The following SPAG1 variants were observed in gnomAD, a reference collection of about 807,000 sequenced individuals.
SPAG1 encodes the protein sperm-associated antigen 1.
In SPAG1, 69 loss-of-function variants were observed where a neutral mutation model predicts 100.5. The ratio of observed to expected loss-of-function variants is 0.69; its 90% CI spans 0.57 to 0.84. SPAG1 has a LOEUF of 0.84. SPAG1 is among the 40% of genes least tolerant of loss of function. The probability of loss-of-function intolerance (pLI) is 0.00; values close to 1 mark genes in which losing one functional copy is unlikely to be tolerated. For synonymous variants in SPAG1, 336 were observed against 411.6 expected, an observed-to-expected ratio of 0.82 and a Z score of 2.22; for missense variants, 955 against 1,133.1, an observed-to-expected ratio of 0.84 and a Z score of 2.26.
At chr8:100,199,158 A>G (rs762062973) in intron 10 of SPAG1, among the ~76,000 whole-genome samples, 61 of 152,246 alleles carry the variant, frequency 4.0e-4, no homozygotes, top group Non-Finnish European at 6.3e-4. Context: ...GCTGGATGAT[A>G]TACTAACTCT....
intron 12 of SPAG1, among the ~76,000 whole-genome samples, chr8:100,219,750 A>G (rs1471737336): frequency 6.6e-6 from 1 of 152,246 alleles, no homozygotes; most frequent in East Asian, 1.9e-4. Flanking sequence ...ATGAAAATTC[A>G]TAACTTAGAA....
chr8:100,216,971 C>G (rs574214641), intron 12 of SPAG1, among the ~76,000 whole-genome samples: 1 of 115,496 alleles, frequency 8.7e-6, no homozygotes, highest in Admixed American at 1.2e-4. Flanking sequence ...GAGTCTTGCT[C>G]TGTCCCCGAG....
At position 100,240,707 on chromosome 8, in the gene SPAG1, T is replaced by G; in HGVS notation, c.2585T>G (p.Ile862Ser). The G allele has an allele frequency of 6.2e-7, 1 of 1,613,668 alleles. No homozygotes were observed. Among genetic ancestry groups the G allele is most frequent in the Non-Finnish European group, 8.5e-7 (1 of 1,179,870 alleles). The change falls in exon 18 of 19, where the codon ATT becomes AGT. Residue 862 changes from isoleucine to serine, a missense_variant. Physicochemically the swap from Ile to Ser is moderately radical, Grantham distance 142. Transcript: ENST00000388798. ...ATTCAGTCTCTGAAAAATAATCTTA[T>G]TGAAAAAGATCCCTCATTGGTGTAT... Reference protein sequence around the residue: ...LLIQSLKNNLIEKDPSLVYQH... With the variant: ...LLIQSLKNNLSEKDPSLVYQH...
At chr8:100,188,692 A>G (rs1390999242) in intron 8 of SPAG1, among the ~76,000 whole-genome samples, 1 of 152,188 alleles carries the variant, frequency 6.6e-6, no homozygotes, top group Non-Finnish European at 1.5e-5. Context: ...ATTATAATAG[A>G]CACATTATAT....
intron 10 of SPAG1, among the ~76,000 whole-genome samples, chr8:100,204,720 C>A (rs911290065): frequency 1.3e-5 from 2 of 152,136 alleles, no homozygotes; most frequent in Non-Finnish European, 2.9e-5. Context: ...AGAAGATATA[C>A]CCTTGATGAA....
intron 2 of SPAG1, among the ~76,000 whole-genome samples, chr8:100,164,558 G>A (rs868029383): frequency 6.6e-5 from 10 of 152,194 alleles, no homozygotes; most frequent in Middle Eastern, 3.4e-3. Context: ...CTGCATAGCT[G>A]GGATTACAGG....
Position 100,210,546 on chromosome 8 carries a change from G to A in SPAG1, c.1097-2544G>A, listed in dbSNP as rs1335864603. Among the ~76,000 whole-genome samples the A allele has an allele frequency of 2.0e-5, 3 of 152,166 alleles. No homozygotes were observed. In the East Asian group the frequency reaches 5.8e-4, roughly 29 times the overall value. On this transcript the variant is annotated intron_variant, in intron 10 of 18. Transcript: ENST00000388798. ...AACTACTCTTGGTGTTTCTGAGGCA[G>A]TATGCGCTCCTGTTTTTTTCTCTCA...
At chr8:100,233,368 A>G (rs759403889) in intron 15 of SPAG1, 43 bp from the exon 16 acceptor site, 56 of 1,608,186 alleles carry the variant, frequency 3.5e-5, no homozygotes, top group Admixed American at 1.5e-4. Context: ...CAGATAGCCA[A>G]TCTTTACCTT....
intron 3 of SPAG1, among the ~76,000 whole-genome samples, chr8:100,175,663 A>T (rs1400806817): frequency 6.6e-6 from 1 of 152,152 alleles, no homozygotes; most frequent in African/African-American, 2.4e-5. Context: ...TTTAGGGGTA[A>T]GTAGACCACT....
intron 16 of SPAG1, among the ~76,000 whole-genome samples, chr8:100,234,363 A>AC (rs892049082): frequency 1.3e-5 from 2 of 151,776 alleles, no homozygotes; most frequent in African/African-American, 4.8e-5. Flanking sequence ...GTGTGCTAAA[A>AC]AAAAATAACA....
intron 1 of SPAG1, among the ~76,000 whole-genome samples, chr8:100,161,391 T>C (rs1815298526): frequency 6.6e-6 from 1 of 152,070 alleles, no homozygotes; most frequent in Non-Finnish European, 1.5e-5. Flanking sequence ...GAAGTACCTA[T>C]GTGGCAGGCC....
intron 8 of SPAG1, among the ~76,000 whole-genome samples, chr8:100,189,504 A>G (rs1816727629): frequency 6.6e-6 from 1 of 151,686 alleles, no homozygotes; most frequent in Non-Finnish European, 1.5e-5. Flanking sequence ...ATTTTAAAAA[A>G]AATTACTAGA....
intron 3 of SPAG1, among the ~76,000 whole-genome samples, chr8:100,168,983 G>A (rs1465791961): frequency 1.3e-5 from 2 of 151,630 alleles, no homozygotes; most frequent in Admixed American, 6.6e-5. Flanking sequence ...CACCACGCCC[G>A]GCCTCTTTTC....
At position 100,165,812 on chromosome 8, in the gene SPAG1, A is replaced by C; in HGVS notation, c.141-2A>C. The C allele has an allele frequency of 6.2e-7, 1 of 1,604,412 alleles. No homozygotes were observed. The highest frequency in any genetic ancestry group is 8.5e-7 in the Non-Finnish European group (1 of 1,176,898). On this transcript the variant is annotated splice_acceptor_variant, in intron 2 of 18. Transcript: ENST00000388798. LOFTEE classifies it high-confidence loss of function. The stretch of plus-strand genomic sequence containing the variant: ...TCTAAAACTTATTTATTTCTTTTTA[A>C]GATCTGGTGAGGAAGGATATTATCC...
At chr8:100,193,993 A>G in intron 9 of SPAG1, 119 bp from the exon 10 acceptor site, 1 of 909,062 alleles carries the variant, frequency 1.1e-6, no homozygotes, top group East Asian at 3.1e-5. Context: ...AGGCCACCAA[A>G]AAAAAGCCTT....
chr8:100,191,370 T>A lies in SPAG1; in HGVS notation c.833-20T>A. On this transcript the variant is annotated intron_variant, in intron 8 of 18. Coordinates refer to ENST00000388798, the MANE Select transcript of SPAG1 (RefSeq NM_003114.5). ...TGCCACATATTAAAAAACATAACTTTTATATTGGTAAATTTTCAGCTCTTC... is the reference window on the plus strand; with the variant it reads ...TGCCACATATTAAAAAACATAACTTATATATTGGTAAATTTTCAGCTCTTC... The A allele has an allele frequency of 6.4e-7, 1 of 1,561,514 alleles. No individual in the cohort carries two copies. The highest frequency in any genetic ancestry group is 8.8e-7 in the Non-Finnish European group (1 of 1,136,862).
chr8:100,212,112 C>T (rs1349855300), intron 10 of SPAG1, among the ~76,000 whole-genome samples: 1 of 152,182 alleles, frequency 6.6e-6, no homozygotes, highest in East Asian at 1.9e-4. Context: ...GGATGTTATT[C>T]TGCTGTATAG....
chr8:100,172,670 GTGTGTGTGTA>G (rs1815924747), intron 3 of SPAG1, among the ~76,000 whole-genome samples: 1 of 149,084 alleles, frequency 6.7e-6, no homozygotes, highest in African/African-American at 2.6e-5. Context: ...GTGTGTGTAT[GTGTGTGTGTA>G]TGTATGTGTA....
In SPAG1 at chr8:100,165,806, T is replaced by C. The variant is rs1815524021; in HGVS notation, c.141-8T>C. 6.2e-7 allele frequency: 1 copy of C among 1,604,422 alleles called. No individual in the cohort carries two copies. The highest frequency in any genetic ancestry group is 1.3e-5 in the African/African-American group (1 of 74,100). On this transcript the variant is annotated splice_region_variant and splice_polypyrimidine_tract_variant and intron_variant, in intron 2 of 18. Transcript: ENST00000388798. ...GCTAACTCTAAAACTTATTTATTTC[T>C]TTTTAAGATCTGGTGAGGAAGGATA... is the stretch of plus-strand genomic sequence containing the variant.
Sources: allele counts gnomAD v4.1 joint callset (sites outside exome capture counted in the v4.1 genomes callset), GRCh38; gene constraint gnomAD v4.1.1; transcripts MANE v1.5; gene names NCBI Gene and HGNC (gene_info 2026-07-23, HGNC 2026-07-21).